The following AKT3 variants were observed in gnomAD, a reference collection of about 807,000 sequenced individuals.
AKT3 encodes the protein AKT serine/threonine kinase 3, also known as RAC-gamma serine/threonine-protein kinase.
A neutral mutation model predicts 65.3 loss-of-function variants in AKT3; 15 were observed. That is an observed-to-expected ratio of 0.23 (90% CI 0.15 to 0.35). The LOEUF (loss-of-function observed/expected upper bound fraction) is 0.35. Ranked by LOEUF, AKT3 falls within the 10% of genes least tolerant of loss-of-function variation. The probability of loss-of-function intolerance (pLI) is 1.00; values close to 1 mark genes in which losing one functional copy is unlikely to be tolerated. For synonymous variants in AKT3, 206 were observed against 183.8 expected, an observed-to-expected ratio of 1.12 and a Z score of -0.98; for missense variants, 243 against 576.5, an observed-to-expected ratio of 0.42 and a Z score of 5.92.
At chr1:243,605,082 T>C (rs1677295903) in intron 8 of AKT3, among the ~76,000 whole-genome samples, 1 of 152,192 alleles carries the variant, frequency 6.6e-6, no homozygotes, top group South Asian at 2.1e-4. Context: ...TGGAGTGCAG[T>C]AGCACAACCA....
At chr1:243,579,243 T>C (rs1288406577) in intron 8 of AKT3, among the ~76,000 whole-genome samples, 2 of 152,178 alleles carry the variant, frequency 1.3e-5, no homozygotes, top group African/African-American at 4.8e-5. Context: ...TAACACAGCT[T>C]TGCAAGTTCA....
At chr1:243,807,519 T>C (rs1271354380) in intron 2 of AKT3, among the ~76,000 whole-genome samples, 1 of 152,048 alleles carries the variant, frequency 6.6e-6, no homozygotes, top group Non-Finnish European at 1.5e-5. Context: ...CTTGAGTAGG[T>C]AAACAAAGCA....
chr1:243,516,986 C>T (rs561544164), intron 12 of AKT3, among the ~76,000 whole-genome samples: 69 of 152,216 alleles, frequency 4.5e-4, no homozygotes, highest in Non-Finnish European at 8.8e-4. Flanking sequence ...GTATTTAGTA[C>T]TATAAATTTA....
intron 2 of AKT3, among the ~76,000 whole-genome samples, chr1:243,731,349 T>C (rs1687553953): frequency 6.6e-6 from 1 of 152,142 alleles, no homozygotes; most frequent in South Asian, 2.1e-4. Flanking sequence ...TGCAAGAATT[T>C]AGAAAACACT....
chr1:243,684,728 G>A (rs991120737), intron 3 of AKT3, among the ~76,000 whole-genome samples: 3 of 152,092 alleles, frequency 2.0e-5, no homozygotes, highest in South Asian at 2.1e-4. Context: ...TTGAGGAATC[G>A]CCACACTGTC....
chr1:243,625,005 T>C, intron 6 of AKT3: 1 of 365,294 alleles, frequency 2.7e-6, no homozygotes, highest in Non-Finnish European at 5.7e-6. Flanking sequence ...CTTCATGTAC[T>C]CATCAAAGTT....
intron 12 of AKT3, among the ~76,000 whole-genome samples, chr1:243,540,585 T>C (rs557093951): frequency 6.6e-6 from 1 of 152,294 alleles, no homozygotes; most frequent in African/African-American, 2.4e-5. Context: ...CTGTATCTTG[T>C]ATAGCCATAG....
chr1:243,583,195 T>TATATATATATATACAC (rs759291565), intron 8 of AKT3, among the ~76,000 whole-genome samples: 9 of 88,276 alleles, frequency 1.0e-4, no homozygotes, highest in African/African-American at 4.1e-4. Context: ...TATATATATA[T>TATATATATATATACAC]ACACACACAC....
At chr1:243,686,652 T>TATATATATATATATATATATATATATA (rs373666457) in intron 3 of AKT3, among the ~76,000 whole-genome samples, 1 of 12,664 alleles carries the variant, frequency 7.9e-5, no homozygotes. Flanking sequence ...TATATATATA[T>TATATATATATATATATATATATATATA]TTTTTTTTTT....
At chr1:243,716,563 T>A (rs572300448) in intron 2 of AKT3, among the ~76,000 whole-genome samples, 7 of 152,332 alleles carry the variant, frequency 4.6e-5, no homozygotes, top group African/African-American at 1.7e-4. Context: ...AACATATGGA[T>A]ATGGACTTCC....
intron 8 of AKT3, among the ~76,000 whole-genome samples, chr1:243,602,360 T>A (rs1677074214): frequency 6.6e-6 from 1 of 152,150 alleles, no homozygotes; most frequent in African/African-American, 2.4e-5. Flanking sequence ...ACAACCTACA[T>A]AATATATTAA....
At chr1:243,505,729 C>G (rs1669627047) in intron 13 of AKT3, among the ~76,000 whole-genome samples, 1 of 152,318 alleles carries the variant, frequency 6.6e-6, no homozygotes, top group East Asian at 1.9e-4. Context: ...AATTCATCAT[C>G]GAATGTCTTC....
chr1:243,799,705 G>T (rs2148362324), intron 2 of AKT3, among the ~76,000 whole-genome samples: 1 of 152,276 alleles, frequency 6.6e-6, no homozygotes, highest in East Asian at 1.9e-4. Flanking sequence ...TGACAAAATT[G>T]TCATAAATAA....
At chr1:243,787,230 T>C (rs1691325157) in intron 2 of AKT3, among the ~76,000 whole-genome samples, 1 of 152,194 alleles carries the variant, frequency 6.6e-6, no homozygotes, top group Admixed American at 6.5e-5. Context: ...TAAGACAACA[T>C]TTCAATGAGA....
chr1:243,506,985 G>C (rs1330400991), intron 13 of AKT3, among the ~76,000 whole-genome samples: 1 of 152,232 alleles, frequency 6.6e-6, no homozygotes, highest in Non-Finnish European at 1.5e-5. Context: ...ACTCTCTAGA[G>C]AATACGGGCA....
chr1:243,492,774 A>T (rs573680359), intron 13 of AKT3, among the ~76,000 whole-genome samples: 2 of 148,326 alleles, frequency 1.3e-5, no homozygotes, highest in Non-Finnish European at 3.0e-5. Context: ...CGCCTGGCTA[A>T]TTTTGTATTT....
At chr1:243,588,343 G>C (rs1675953937) in intron 8 of AKT3, among the ~76,000 whole-genome samples, 1 of 152,126 alleles carries the variant, frequency 6.6e-6, no homozygotes, top group South Asian at 2.1e-4. Context: ...TCAATTTTTA[G>C]GCAGTCAGAG....
chr1:243,642,608 C>T (rs1247427507), intron 5 of AKT3, among the ~76,000 whole-genome samples: 2 of 152,198 alleles, frequency 1.3e-5, no homozygotes, highest in Non-Finnish European at 1.5e-5. Context: ...CACGCCCAGC[C>T]ACAGTAAGTC....
At position 243,504,264 on chromosome 1, in the gene AKT3, A is replaced by G. The variant is rs1190606385; in HGVS notation, c.*985T>C. ...GCAATATAAACAAAATCATAAAAGG[A>G]CATTCAAAGTTTCAACATCTGAGAA... On this transcript the variant is annotated 3_prime_UTR_variant, in exon 14 of 14. Coordinates refer to ENST00000673466, the MANE Select transcript of AKT3 (RefSeq NM_005465.7). The G allele has an allele frequency of 4.8e-6, 1 of 209,716 alleles. No homozygotes were observed. Among genetic ancestry groups the G allele is most frequent in the Non-Finnish European group, 9.7e-6 (1 of 103,074 alleles). 13.0% of individuals were successfully genotyped at this position (209,716 alleles called of 1,614,324 possible). A position where few individuals can be genotyped will look rare whatever the true frequency, so the allele number is the denominator to read the frequency against.
Sources: gnomAD v4.1 joint callset for allele counts (sites outside exome capture counted in the v4.1 genomes callset) on GRCh38, gnomAD v4.1.1 for gene constraint, MANE v1.5 for transcripts, NCBI Gene and HGNC (gene_info 2026-07-23, HGNC 2026-07-21) for gene names.